The following SYNE2 variants were observed in gnomAD, a reference collection of about 807,000 sequenced individuals.
SYNE2 encodes nesprin-2.
In SYNE2, 431 loss-of-function variants were observed where a neutral mutation model predicts 856.3. The ratio of observed to expected loss-of-function variants is 0.50; its 90% CI spans 0.47 to 0.55. The LOEUF is 0.55. Ranked by LOEUF, SYNE2 falls within the 20% of genes least tolerant of loss-of-function variation. The pLI is 0.00. For missense variants in SYNE2, 8,129 were observed against 8,023.2 expected (o/e 1.01, Z -0.50); for synonymous variants, 2,923 against 2,872.3 (o/e 1.02, Z -0.56).
intron 80 of SYNE2, 108 bp downstream of exon 80, chr14:64,140,181 G>A: frequency 8.8e-7 from 1 of 1,132,696 alleles, no homozygotes. Context: ...TGGATAAGGG[G>A]TAAGACTTGG....
At chr14:64,114,798 T>C (rs748394048) in intron 66 of SYNE2, among the ~76,000 whole-genome samples, 2 of 152,000 alleles carry the variant, frequency 1.3e-5, no homozygotes, top group Non-Finnish European at 2.9e-5. Flanking sequence ...TTGTATTTTT[T>C]TGTAGAGATG....
At chr14:64,124,396 G>T (rs868624628) in intron 70 of SYNE2, among the ~76,000 whole-genome samples, 1,559 of 76,330 alleles carry the variant, frequency 0.02, 25 homozygotes, top group African/African-American at 0.063. Context: ...TTTTTTTTTT[G>T]CAGAGAATGT....
chr14:64,100,572 T>TATATATATA (rs2097720169), intron 63 of SYNE2, among the ~76,000 whole-genome samples: 1 of 107,140 alleles, frequency 9.3e-6, no homozygotes, highest in Non-Finnish European at 2.1e-5. Flanking sequence ...ATATATATAT[T>TATATATATA]TATGACATGT....
intron 99 of SYNE2, chr14:64,202,251 C>T (rs990061463): frequency 2.4e-5 from 17 of 702,228 alleles, no homozygotes; most frequent in Non-Finnish European, 3.4e-5. Flanking sequence ...TGGGTGAACC[C>T]CTCATACTGA....
chr14:64,108,265 T>C (rs1464069776), intron 65 of SYNE2, among the ~76,000 whole-genome samples: 1 of 152,056 alleles, frequency 6.6e-6, no homozygotes, highest in Non-Finnish European at 1.5e-5. Flanking sequence ...GACAGGAGAA[T>C]CGCTTGAACC....
chr14:63,811,432 T>G (rs997602304), intron 1 of SYNE2, among the ~76,000 whole-genome samples: 2 of 152,120 alleles, frequency 1.3e-5, no homozygotes, highest in Admixed American at 6.6e-5. Context: ...ATTTTTTTTG[T>G]ACTTTTCTTT....
chr14:64,080,454 A>G lies in SYNE2; in HGVS notation c.11164-2A>G. On this transcript the variant is annotated splice_acceptor_variant, in intron 55 of 115. Coordinates refer to ENST00000555002, the MANE Select transcript of SYNE2 (RefSeq NM_182914.3). LOFTEE classifies it high-confidence loss of function. Reference sequence around the variant, plus strand: ...AAGTTGACTTACGATTTCCTTCTCCAGAAAATGTGGGACGAGTTAGATCTA... The same window carrying G: ...AAGTTGACTTACGATTTCCTTCTCCGGAAAATGTGGGACGAGTTAGATCTA... 6.2e-7 allele frequency: 1 copy of G among 1,614,136 alleles called. No individual in the cohort carries two copies. Among genetic ancestry groups the G allele is most frequent in the Non-Finnish European group, 8.5e-7 (1 of 1,179,998 alleles).
chr14:63,906,251 T>C (rs2095408270), intron 1 of SYNE2, among the ~76,000 whole-genome samples: 2 of 152,116 alleles, frequency 1.3e-5, no homozygotes, highest in Non-Finnish European at 2.9e-5. Context: ...TCAGGGATAT[T>C]GGCCTGAAGT....
At chr14:64,121,559 T>C (rs1246814442) in intron 68 of SYNE2, among the ~76,000 whole-genome samples, 2 of 152,130 alleles carry the variant, frequency 1.3e-5, no homozygotes, top group African/African-American at 4.8e-5. Context: ...AAAAGCTTTC[T>C]ATATGGAATT....
At chr14:64,081,355 G>T in intron 56 of SYNE2, 88 bp from the exon 57 acceptor site, 1 of 1,559,060 alleles carries the variant, frequency 6.4e-7, no homozygotes, top group Non-Finnish European at 8.8e-7. Flanking sequence ...ACACACCCCT[G>T]ACTAACAGCT....
intron 100 of SYNE2, chr14:64,204,524 G>A (rs1233108481): frequency 6.6e-6 from 1 of 152,172 alleles, no homozygotes; most frequent in Non-Finnish European, 1.5e-5. Context: ...ACATTAAATT[G>A]CAGAGAATTT....
At chr14:64,095,342 A>G (rs554387736) in intron 61 of SYNE2, among the ~76,000 whole-genome samples, 9 of 152,340 alleles carry the variant, frequency 5.9e-5, no homozygotes, top group African/African-American at 1.9e-4. Context: ...ATCTAAACCC[A>G]TGTCAATGAA....
intron 94 of SYNE2, among the ~76,000 whole-genome samples, chr14:64,173,274 C>A (rs1426862447): frequency 2.0e-5 from 3 of 152,190 alleles, no homozygotes; most frequent in Non-Finnish European, 4.4e-5. Flanking sequence ...GCTCAAGCAT[C>A]TTGGTGAATA....
At chr14:63,856,714 T>C (rs1891833607) in intron 1 of SYNE2, among the ~76,000 whole-genome samples, 1 of 152,208 alleles carries the variant, frequency 6.6e-6, no homozygotes, top group African/African-American at 2.4e-5. Context: ...ATCTGTGTCA[T>C]AATGCCCCCT....
At chr14:64,067,751 T>C (rs905491328) in intron 51 of SYNE2, among the ~76,000 whole-genome samples, 9 of 152,242 alleles carry the variant, frequency 5.9e-5, no homozygotes, top group African/African-American at 2.2e-4. Flanking sequence ...CTCCCTGTTT[T>C]CTTAAACAGA....
chr14:64,038,118 C>T (rs1595051059), intron 45 of SYNE2, among the ~76,000 whole-genome samples: 2 of 152,174 alleles, frequency 1.3e-5, no homozygotes. Flanking sequence ...CCTCATCTCC[C>T]AGACGGGGTC....
chr14:64,011,658 ATCC>A (rs1344627827), intron 32 of SYNE2, among the ~76,000 whole-genome samples: 1 of 152,040 alleles, frequency 6.6e-6, no homozygotes, highest in Non-Finnish European at 1.5e-5. Context: ...GTTCATGCAA[ATCC>A]TCCTCACTTC....
chr14:64,204,913 A>G (rs192810046), intron 100 of SYNE2, among the ~76,000 whole-genome samples: 4 of 152,252 alleles, frequency 2.6e-5, no homozygotes, highest in Non-Finnish European at 5.9e-5. Context: ...TCTGGGGAGA[A>G]TCCATTTTTT....
intron 32 of SYNE2, among the ~76,000 whole-genome samples, chr14:64,013,439 A>T (rs147522264): frequency 1.3e-5 from 2 of 151,802 alleles, no homozygotes; most frequent in African/African-American, 4.8e-5. Context: ...AATAGTGGAC[A>T]TTGTACCCAA....
Sources: gnomAD v4.1 joint callset for allele counts (sites outside exome capture counted in the v4.1 genomes callset) on GRCh38, gnomAD v4.1.1 for gene constraint, MANE v1.5 for transcripts, NCBI Gene and HGNC (gene_info 2026-07-23, HGNC 2026-07-21) for gene names.